FRY: variants seen among roughly 807,000 people sequenced by gnomAD.
FRY encodes protein furry homolog.
FRY carries 128 observed loss-of-function variants against 348.4 expected under a neutral mutation model. The observed-to-expected ratio is 0.37, with a 90% confidence interval of 0.32 to 0.43. FRY has a LOEUF of 0.43. Ranked by LOEUF, FRY falls within the 20% of genes least tolerant of loss-of-function variation. FRY has a pLI of 1.00. For missense variants in FRY, 2,736 were observed against 3,695.2 expected (o/e 0.74, Z 6.73); for synonymous variants, 1,370 against 1,374.7 (o/e 1.00, Z 0.08).
intron 51 of FRY, among the ~76,000 whole-genome samples, chr13:32,261,094 A>G (rs926257433): frequency 1.3e-5 from 2 of 152,256 alleles, no homozygotes; most frequent in African/African-American, 4.8e-5. Flanking sequence ...TCTGCATTGT[A>G]TCTGTGAAAA....
intron 20 of FRY, among the ~76,000 whole-genome samples, chr13:32,177,908 T>C (rs1056365663): frequency 6.6e-6 from 1 of 152,258 alleles, no homozygotes; most frequent in Non-Finnish European, 1.5e-5. Context: ...TGTGTATTGA[T>C]GCACAGTGCT....
At chr13:32,246,134 C>T (rs1483171006) in intron 47 of FRY, among the ~76,000 whole-genome samples, 2 of 152,190 alleles carry the variant, frequency 1.3e-5, no homozygotes, top group African/African-American at 4.8e-5. Flanking sequence ...TGAGGCTGTC[C>T]ATTTTGTCTT....
chr13:32,089,923 CTA>C (rs940159421), intron 2 of FRY, among the ~76,000 whole-genome samples: 2 of 151,910 alleles, frequency 1.3e-5, no homozygotes, highest in African/African-American at 2.4e-5. Context: ...ACTGGGGTCC[CTA>C]GGGAGACTAA....
chr13:32,054,272 G>A (rs1025836678), intron 1 of FRY, among the ~76,000 whole-genome samples: 3 of 151,498 alleles, frequency 2.0e-5, no homozygotes, highest in African/African-American at 4.9e-5. Context: ...AAGGAATTCT[G>A]GGAGGTATAC....
At chr13:32,089,245 G>C (rs1876091931) in intron 2 of FRY, among the ~76,000 whole-genome samples, 1 of 152,016 alleles carries the variant, frequency 6.6e-6, no homozygotes, top group Non-Finnish European at 1.5e-5. Context: ...TATTTTTACT[G>C]TTGCTTACAT....
chr13:32,051,120 T>G (rs750368099), intron 1 of FRY, among the ~76,000 whole-genome samples: 2 of 152,224 alleles, frequency 1.3e-5, no homozygotes, highest in Non-Finnish European at 2.9e-5. Context: ...AGATACATAC[T>G]TAATTATTTC....
At chr13:32,112,517 G>C (rs1182584174) in intron 3 of FRY, among the ~76,000 whole-genome samples, 1 of 152,148 alleles carries the variant, frequency 6.6e-6, no homozygotes, top group African/African-American at 2.4e-5. Flanking sequence ...ATGAAAACAT[G>C]GCACGTGAGT....
intron 7 of FRY, among the ~76,000 whole-genome samples, chr13:32,130,670 G>A (rs1323125811): frequency 2.0e-5 from 3 of 151,790 alleles, no homozygotes; most frequent in African/African-American, 4.8e-5. Context: ...TTTTACTTTC[G>A]AATACAAATA....
At chr13:32,165,793 G>T (rs1199717115) in intron 17 of FRY, among the ~76,000 whole-genome samples, 1 of 152,172 alleles carries the variant, frequency 6.6e-6, no homozygotes, top group Non-Finnish European at 1.5e-5. Context: ...AGAATCTGAA[G>T]CTTACCTTAC....
chr13:32,153,550 C>T (rs1032374441), intron 14 of FRY, among the ~76,000 whole-genome samples: 5 of 152,266 alleles, frequency 3.3e-5, no homozygotes, highest in South Asian at 4.1e-4. Context: ...ACCGCAAAAA[C>T]GCACAGGGGA....
chr13:32,275,727 T>G (rs928021854), intron 56 of FRY, among the ~76,000 whole-genome samples: 13 of 152,248 alleles, frequency 8.5e-5, no homozygotes, highest in Admixed American at 1.3e-4. Flanking sequence ...AGAGAGTTAT[T>G]GCCCTCTGGA....
intron 34 of FRY, among the ~76,000 whole-genome samples, chr13:32,211,275 T>C (rs1236892994): frequency 6.6e-6 from 1 of 152,162 alleles, no homozygotes; most frequent in African/African-American, 2.4e-5. Context: ...CTGGCCAACG[T>C]GACAAAACCC....
intron 27 of FRY, among the ~76,000 whole-genome samples, 155 bp downstream of exon 27, chr13:32,186,575 G>T (rs750141773): frequency 6.6e-6 from 1 of 151,928 alleles, no homozygotes; most frequent in Non-Finnish European, 1.5e-5. Context: ...GGACACACAC[G>T]TACATAGCTT....
intron 7 of FRY, among the ~76,000 whole-genome samples, chr13:32,129,654 C>T (rs1166772468): frequency 1.3e-5 from 2 of 152,016 alleles, no homozygotes; most frequent in African/African-American, 4.8e-5. Context: ...TGCTAATAAC[C>T]CATTAGGGAA....
chr13:32,173,923 A>T (rs181263756), intron 19 of FRY, among the ~76,000 whole-genome samples: 13 of 152,388 alleles, frequency 8.5e-5, no homozygotes, highest in Admixed American at 5.2e-4. Context: ...ATTTGAAATG[A>T]TCAAGGTACC....
intron 46 of FRY, among the ~76,000 whole-genome samples, chr13:32,241,642 T>C (rs1478205123): frequency 6.6e-6 from 1 of 152,230 alleles, no homozygotes. Flanking sequence ...TGTGAAGATT[T>C]TATTAGCCAA....
chr13:32,224,911 A>G, intron 37 of FRY, 22 bp from the exon 38 acceptor site: 1 of 1,367,952 alleles, frequency 7.3e-7, no homozygotes, highest in Non-Finnish European at 1.0e-6. Flanking sequence ...AGTTGCATTA[A>G]TTTCATTATT....
chr13:32,200,362 T>C (rs1470992844), intron 29 of FRY, among the ~76,000 whole-genome samples: 2 of 152,234 alleles, frequency 1.3e-5, no homozygotes, highest in Non-Finnish European at 2.9e-5. Flanking sequence ...TCAAACTATC[T>C]TTTTCTTCCT....
At chr13:32,128,718 T>C (rs1381026783) in intron 7 of FRY, among the ~76,000 whole-genome samples, 1 of 152,262 alleles carries the variant, frequency 6.6e-6, no homozygotes, top group Non-Finnish European at 1.5e-5. Context: ...GATCAAAATG[T>C]GAAATGGTAT....
Sources: allele counts gnomAD v4.1 joint callset (sites outside exome capture counted in the v4.1 genomes callset), GRCh38; gene constraint gnomAD v4.1.1; transcripts MANE v1.5; gene names NCBI Gene and HGNC (gene_info 2026-07-23, HGNC 2026-07-21).